Variants in ZNF33B observed in about 807,000 individuals in gnomAD.
The protein encoded by ZNF33B is zinc finger protein 33B, also known as zinc finger protein 11b (KOX 2).
In ZNF33B, 29 loss-of-function variants were observed where a neutral mutation model predicts 45.8. The ratio of observed to expected loss-of-function variants is 0.63; its 90% CI spans 0.47 to 0.86. The LOEUF (loss-of-function observed/expected upper bound fraction) is 0.86. ZNF33B is among the 40% of genes least tolerant of loss of function. The pLI, the probability that ZNF33B is intolerant of heterozygous loss-of-function variation, is 0.00. For missense variants in ZNF33B, 831 were observed against 909.9 expected (o/e 0.91, Z 1.12); for synonymous variants, 305 against 307.8 (o/e 0.99, Z 0.10).
chr10:42,628,210 T>A (rs557053730), intron 4 of ZNF33B, among the ~76,000 whole-genome samples: 181 of 152,382 alleles, frequency 1.2e-3, no homozygotes, highest in African/African-American at 3.9e-3. Context: ...GAGACAGGAT[T>A]TCACCATATT....
exon 2 of ZNF33B, chr10:42,574,650 A>G (rs752413506): frequency 6.6e-6 from 1 of 152,028 alleles, no homozygotes; most frequent in Non-Finnish European, 1.5e-5. Context: ...TTCAAGGTAC[A>G]TACCACTCTC....
At chr10:42,619,946 G>C (rs1353493987) in intron 4 of ZNF33B, among the ~76,000 whole-genome samples, 1 of 152,028 alleles carries the variant, frequency 6.6e-6, no homozygotes, top group Non-Finnish European at 1.5e-5. Flanking sequence ...AGGTGTGGTC[G>C]GCTCATGCCT....
chr10:42,599,551 T>C (rs1391416768), intron 4 of ZNF33B, among the ~76,000 whole-genome samples: 1 of 151,494 alleles, frequency 6.6e-6, no homozygotes, highest in Non-Finnish European at 1.5e-5. Flanking sequence ...ATTTAATATA[T>C]ATTACACATA....
At chr10:42,602,310 GTT>G (rs374878810) in intron 4 of ZNF33B, among the ~76,000 whole-genome samples, 1 of 140,954 alleles carries the variant, frequency 7.1e-6, no homozygotes, top group Non-Finnish European at 1.6e-5. Context: ...ATTTTGATTT[GTT>G]TTTTTTTTTT....
intron 4 of ZNF33B, among the ~76,000 whole-genome samples, chr10:42,602,984 A>C (rs1008078260): frequency 1.2e-4 from 18 of 152,192 alleles, no homozygotes; most frequent in African/African-American, 4.3e-4. Flanking sequence ...AATTCTAGGA[A>C]AGAACTGCCA....
In ZNF33B at chr10:42,593,271, T is replaced by C. The variant is rs768082366; in HGVS notation, c.1679A>G (p.Lys560Arg). The C allele has an allele frequency of 1.9e-6, 3 of 1,614,110 alleles. No individual in the cohort carries two copies. Among genetic ancestry groups the C allele is most frequent in the Non-Finnish European group, 2.5e-6 (3 of 1,179,990 alleles). The change falls in exon 5 of 5, where the codon AAA becomes AGA. Residue 560 changes from lysine (K) to arginine (R), a missense_variant. Physicochemically the swap from Lys to Arg is conservative, Grantham distance 26. Transcript: ENST00000359467. ...EKPFACPECG[K>R]FFSHKSTLSQ... ...GAGGGTTGACTTATGGCTAAAGAAT[T>C]TCCCACATTCAGGACATGCAAAGGG...
At chr10:42,588,721 C>T (rs1836986748), downstream of ZNF33B, among the ~76,000 whole-genome samples, 1 of 152,126 alleles carries the variant, frequency 6.6e-6, no homozygotes, top group Non-Finnish European at 1.5e-5. Flanking sequence ...CCAGAGAGTA[C>T]AGTGACCACT....
At chr10:42,615,186 G>C (rs1838261688) in intron 4 of ZNF33B, among the ~76,000 whole-genome samples, 1 of 152,154 alleles carries the variant, frequency 6.6e-6, no homozygotes. Context: ...GTTAAACACA[G>C]AGACACCATA....
At chr10:42,629,348 ATAGT>A (rs1247769686) in intron 4 of ZNF33B, among the ~76,000 whole-genome samples, 3 of 152,178 alleles carry the variant, frequency 2.0e-5, no homozygotes, top group Admixed American at 6.5e-5. Context: ...GTACAAAAAA[ATAGT>A]TAGAAAGAAT....
At chr10:42,620,285 T>C (rs181946329) in intron 4 of ZNF33B, among the ~76,000 whole-genome samples, 78 of 150,348 alleles carry the variant, frequency 5.2e-4, no homozygotes, top group African/African-American at 1.9e-3. Context: ...AAAGAAGGTA[T>C]ACAATATACA....
intron 4 of ZNF33B, among the ~76,000 whole-genome samples, chr10:42,629,795 G>A (rs117521157): frequency 0.023 from 3,458 of 151,934 alleles, 93 homozygotes; most frequent in Admixed American, 0.093. Flanking sequence ...TTCCATCTGG[G>A]TTTATTTATA....
chr10:42,637,347 A>G (rs1488145731), intron 1 of ZNF33B, among the ~76,000 whole-genome samples: 1 of 152,258 alleles, frequency 6.6e-6, no homozygotes, highest in Non-Finnish European at 1.5e-5. Context: ...GGACTAGGCT[A>G]TCGATTTTCC....
chr10:42,576,063 G>T (rs1836745347), intron 1 of ZNF33B, among the ~76,000 whole-genome samples: 1 of 152,040 alleles, frequency 6.6e-6, no homozygotes, highest in African/African-American at 2.4e-5. Flanking sequence ...GCTAATTTTT[G>T]TATTTTTAGT....
chr10:42,637,604 C>CA (rs1465239693), intron 1 of ZNF33B, among the ~76,000 whole-genome samples: 3 of 152,084 alleles, frequency 2.0e-5, no homozygotes, highest in African/African-American at 7.2e-5. Flanking sequence ...AAACAAAAAA[C>CA]AAAAAAATTA....
At chr10:42,605,264 TAAAAAAAA>T (rs35151043) in intron 4 of ZNF33B, 3 of 126,334 alleles carry the variant, frequency 2.4e-5, no homozygotes. Flanking sequence ...GCATTAAATT[TAAAAAAAA>T]AAAAAAAAAA....
intron 4 of ZNF33B, among the ~76,000 whole-genome samples, chr10:42,607,842 T>C (rs568447650): frequency 1.3e-5 from 2 of 152,198 alleles, no homozygotes; most frequent in East Asian, 1.9e-4. Context: ...AGTCAAACCA[T>C]TGTAAGTCAG....
chr10:42,615,867 G>A (rs1838289753), intron 4 of ZNF33B, among the ~76,000 whole-genome samples: 1 of 151,992 alleles, frequency 6.6e-6, no homozygotes, highest in Admixed American at 6.6e-5. Flanking sequence ...GGAAGCTGCA[G>A]TGAGCCGAGA....
At chr10:42,588,802 C>T (rs1253359139), downstream of ZNF33B, among the ~76,000 whole-genome samples, 1 of 152,106 alleles carries the variant, frequency 6.6e-6, no homozygotes, top group African/African-American at 2.4e-5. Flanking sequence ...GATCTTACTG[C>T]TTAGGAATAA....
At chr10:42,586,467 C>T (rs1306489505), downstream of ZNF33B, among the ~76,000 whole-genome samples, 4 of 152,036 alleles carry the variant, frequency 2.6e-5, no homozygotes, top group Non-Finnish European at 5.9e-5. Context: ...TTCAAAGAGA[C>T]GAAGTCTCAC....
Sources: allele counts gnomAD v4.1 joint callset (sites outside exome capture counted in the v4.1 genomes callset), GRCh38; gene constraint gnomAD v4.1.1; transcripts MANE v1.5; gene names NCBI Gene and HGNC (gene_info 2026-07-23, HGNC 2026-07-21).